ZHX3: variants seen among roughly 807,000 people sequenced by gnomAD.
The protein encoded by ZHX3 is zinc fingers and homeoboxes 3, also known as zinc fingers and homeoboxes protein 3.
Under a neutral mutation model 64.5 loss-of-function variants are expected in ZHX3, and 20 were observed. The observed-to-expected ratio is 0.31, with a 90% CI of 0.22 to 0.45. The LOEUF (loss-of-function observed/expected upper bound fraction) is 0.45, where lower values mean the gene tolerates loss of function less well. Ranked by LOEUF, ZHX3 falls within the 20% of genes least tolerant of loss-of-function variation. The probability of loss-of-function intolerance (pLI) is 1.00; values close to 1 mark genes in which losing one functional copy is unlikely to be tolerated. For missense variants in ZHX3, 1,041 were observed against 1,195.8 expected (o/e 0.87, Z 1.91); for synonymous variants, 423 against 461.6 (o/e 0.92, Z 1.07).
intron 1 of ZHX3, among the ~76,000 whole-genome samples, chr20:41,281,397 G>A (rs760538104): frequency 2.0e-5 from 3 of 152,092 alleles, no homozygotes; most frequent in Non-Finnish European, 2.9e-5. Context: ...GATGACTTGG[G>A]ATACAAGAAG....
At chr20:41,298,997 A>G (rs1484769247) in intron 1 of ZHX3, among the ~76,000 whole-genome samples, 1 of 152,226 alleles carries the variant, frequency 6.6e-6, no homozygotes, top group African/African-American at 2.4e-5. Context: ...GCATCTCACC[A>G]GTGGGCATAC....
intron 1 of ZHX3, chr20:41,300,191 T>C (rs2044749936): frequency 6.6e-6 from 1 of 152,158 alleles, no homozygotes; most frequent in Admixed American, 6.5e-5. Flanking sequence ...ATGAGACACA[T>C]GTAACAGGCT....
At chr20:41,236,226 C>A (rs1490483253) in intron 2 of ZHX3, among the ~76,000 whole-genome samples, 2 of 152,166 alleles carry the variant, frequency 1.3e-5, no homozygotes, top group Non-Finnish European at 2.9e-5. Flanking sequence ...AATGCCAACC[C>A]CATCAAGCTA....
intron 1 of ZHX3, among the ~76,000 whole-genome samples, chr20:41,274,542 T>C (rs1306246254): frequency 2.6e-5 from 4 of 152,192 alleles, no homozygotes; most frequent in Non-Finnish European, 1.5e-5. Context: ...CACTTGATAT[T>C]ATAAAGGTAA....
chr20:41,243,113 T>G (rs1201058768), intron 2 of ZHX3, among the ~76,000 whole-genome samples: 1 of 152,142 alleles, frequency 6.6e-6, no homozygotes, highest in African/African-American at 2.4e-5. Context: ...AGGTTCCCAG[T>G]GCTCCAAGAG....
intron 1 of ZHX3, among the ~76,000 whole-genome samples, chr20:41,316,678 C>A (rs1207782589): frequency 6.6e-6 from 1 of 152,212 alleles, no homozygotes; most frequent in Non-Finnish European, 1.5e-5. Flanking sequence ...AAGTTTCTCG[C>A]AGGGCACAAG....
At chr20:41,315,532 G>C (rs920612635) in intron 1 of ZHX3, among the ~76,000 whole-genome samples, 1 of 151,966 alleles carries the variant, frequency 6.6e-6, no homozygotes, top group African/African-American at 2.4e-5. Context: ...TCGAAGTGAG[G>C]ATGGTTGTTC....
At chr20:41,310,863 C>T (rs1422447879) in intron 1 of ZHX3, among the ~76,000 whole-genome samples, 1 of 127,626 alleles carries the variant, frequency 7.8e-6, no homozygotes, top group Non-Finnish European at 1.5e-5. Context: ...GGCTGGAGTG[C>T]AGTGGCGTGA....
chr20:41,286,012 G>A (rs1482329246), intron 1 of ZHX3, among the ~76,000 whole-genome samples: 1 of 152,212 alleles, frequency 6.6e-6, no homozygotes, highest in East Asian at 1.9e-4. Context: ...AATAGCATCA[G>A]AGTAGTAGTC....
At chr20:41,241,877 G>C (rs894790069) in intron 2 of ZHX3, among the ~76,000 whole-genome samples, 1 of 152,250 alleles carries the variant, frequency 6.6e-6, no homozygotes, top group East Asian at 1.9e-4. Context: ...TCCAATCCAT[G>C]AATTAGACCC....
intron 1 of ZHX3, among the ~76,000 whole-genome samples, chr20:41,274,873 G>T (rs2043308199): frequency 8.8e-6 from 1 of 114,052 alleles, no homozygotes; most frequent in African/African-American, 4.2e-5. Flanking sequence ...GAATCAAACT[G>T]GGCCAGGTGC....
At chr20:41,292,013 TAAAAAAAAAAA>T (rs61168786) in intron 1 of ZHX3, among the ~76,000 whole-genome samples, 6 of 94,710 alleles carry the variant, frequency 6.3e-5, no homozygotes, top group Middle Eastern at 5.6e-3. Context: ...ACCTCATCTT[TAAAAAAAAAAA>T]AAAAAAAAAA....
chr20:41,234,752 T>C (rs1046369837), intron 2 of ZHX3, among the ~76,000 whole-genome samples: 1 of 152,226 alleles, frequency 6.6e-6, no homozygotes, highest in Admixed American at 6.5e-5. Context: ...CACAAGAAAG[T>C]GGCAGCATAG....
intron 2 of ZHX3, among the ~76,000 whole-genome samples, chr20:41,208,497 C>T (rs1017482396): frequency 2.6e-5 from 4 of 152,152 alleles, no homozygotes; most frequent in African/African-American, 9.7e-5. Context: ...TCTACCACGA[C>T]CAAGTTGGCT....
At chr20:41,292,013 T>TAAAA (rs61168786) in intron 1 of ZHX3, among the ~76,000 whole-genome samples, 231 of 94,668 alleles carry the variant, frequency 2.4e-3, no homozygotes, top group East Asian at 0.014. Flanking sequence ...ACCTCATCTT[T>TAAAA]AAAAAAAAAA....
At chr20:41,308,479 A>C (rs1466391736) in intron 1 of ZHX3, among the ~76,000 whole-genome samples, 1 of 152,254 alleles carries the variant, frequency 6.6e-6, no homozygotes, top group Non-Finnish European at 1.5e-5. Flanking sequence ...TTTAGGCTCA[A>C]GGTCCATAGC....
chr20:41,314,112 C>T (rs2045223716), intron 1 of ZHX3, among the ~76,000 whole-genome samples: 2 of 152,174 alleles, frequency 1.3e-5, no homozygotes, highest in South Asian at 2.1e-4. Flanking sequence ...AAATTCAAAC[C>T]TTTGAAAAGC....
chr20:41,216,891 T>A (rs1270832072), intron 2 of ZHX3, among the ~76,000 whole-genome samples: 2 of 152,230 alleles, frequency 1.3e-5, no homozygotes, highest in Non-Finnish European at 2.9e-5. Context: ...GTTAATTTGA[T>A]ATATAAAACA....
rs547715070 is a variant in ZHX3, at chr20:41,282,462, G to A, written c.-244-13379C>T. Among the ~76,000 whole-genome samples the A allele has an allele frequency of 4.9e-4, 71 of 144,060 alleles. 2 individuals carry two copies. The South Asian group carries it at 7.8e-3, about 16-fold the overall frequency. 94.5% of individuals were successfully genotyped at this position (144,060 alleles called of 152,430 possible). A position where few individuals can be genotyped will look rare whatever the true frequency, so the allele number is the denominator to read the frequency against. On this transcript the variant is annotated intron_variant, in intron 1 of 3. Transcript: ENST00000683867. The stretch of plus-strand genomic sequence containing the variant: ...CAACATTCGCCTCCAGGGTTCAAGC[G>A]ACTCTCCTGCCTCAGCCTCCTGAGT...
Sources: allele counts gnomAD v4.1 joint callset (sites outside exome capture counted in the v4.1 genomes callset), GRCh38; gene constraint gnomAD v4.1.1; transcripts MANE v1.5; gene names NCBI Gene and HGNC (gene_info 2026-07-23, HGNC 2026-07-21).